Variants in PRMT3 observed in about 807,000 individuals in gnomAD.
PRMT3 encodes the protein protein arginine N-methyltransferase 3.
PRMT3 carries 62 observed loss-of-function variants against 71.9 expected under a neutral mutation model. The observed-to-expected ratio is 0.86, with a 90% confidence interval of 0.70 to 1.07. PRMT3 has a LOEUF of 1.07. Ranked by LOEUF, PRMT3 falls within the 50% of genes least tolerant of loss-of-function variation. The pLI is 0.00. For missense variants in PRMT3, 663 were observed against 643.0 expected (o/e 1.03, Z -0.34); for synonymous variants, 213 against 220.4 (o/e 0.97, Z 0.30).
chr11:20,392,735 C>G (rs1265119330), intron 4 of PRMT3, among the ~76,000 whole-genome samples, 162 bp from the exon 5 acceptor site: 1 of 150,892 alleles, frequency 6.6e-6, no homozygotes, highest in African/African-American at 2.4e-5. Flanking sequence ...AAGCAGTCGT[C>G]CAGCAAGTTA....
intron 13 of PRMT3, among the ~76,000 whole-genome samples, chr11:20,475,268 T>TTGAAGAGGAACTTCTA (rs1351466205): frequency 1.3e-5 from 2 of 152,232 alleles, no homozygotes; most frequent in Non-Finnish European, 2.9e-5. Context: ...AAGGGAAACT[T>TTGAAGAGGAACTTCTA]TGAAGAGGAA....
intron 9 of PRMT3, among the ~76,000 whole-genome samples, chr11:20,424,361 A>G (rs1037237660): frequency 8.5e-5 from 13 of 152,206 alleles, no homozygotes; most frequent in Non-Finnish European, 2.9e-5. Flanking sequence ...TGGGGGCAGA[A>G]TTGAAAGTCC....
intron 15 of PRMT3, among the ~76,000 whole-genome samples, chr11:20,503,638 T>C (rs868184186): frequency 6.6e-6 from 1 of 152,156 alleles, no homozygotes; most frequent in African/African-American, 2.4e-5. Flanking sequence ...GCATTTTTTT[T>C]TTTTGAGATT....
chr11:20,415,040 G>T (rs906054179), intron 9 of PRMT3, among the ~76,000 whole-genome samples: 1 of 151,538 alleles, frequency 6.6e-6, no homozygotes, highest in Non-Finnish European at 1.5e-5. Flanking sequence ...GTGTGTGTGT[G>T]TGTGTGTGTG....
chr11:20,448,767 C>T (rs985089299), intron 10 of PRMT3, among the ~76,000 whole-genome samples: 14 of 151,984 alleles, frequency 9.2e-5, no homozygotes, highest in Non-Finnish European at 2.1e-4. Context: ...TATTCTAGTC[C>T]CTGATTTAAT....
chr11:20,391,044 C>T (rs527580494), intron 3 of PRMT3, among the ~76,000 whole-genome samples: 653 of 53,678 alleles, frequency 0.012, 26 homozygotes, highest in Admixed American at 0.076. Flanking sequence ...ACTGAGACGC[C>T]GTCTCAAAAA....
At chr11:20,434,018 G>A (rs1029209127) in intron 10 of PRMT3, among the ~76,000 whole-genome samples, 5 of 152,006 alleles carry the variant, frequency 3.3e-5, no homozygotes, top group African/African-American at 4.8e-5. Flanking sequence ...TTGCCTTTTC[G>A]CCTCAATCTT....
At chr11:20,452,058 G>T in intron 10 of PRMT3, 72 bp from the exon 11 acceptor site, 1 of 1,037,572 alleles carries the variant, frequency 9.6e-7, no homozygotes, top group Non-Finnish European at 1.4e-6. Flanking sequence ...GAGTAGCACC[G>T]ATGTTTAAAT....
At position 20,505,037 on chromosome 11, in the gene PRMT3, T is replaced by C. The variant is rs1006271868; in HGVS notation, c.1487-3267T>C. 2.0e-5 allele frequency among the ~76,000 whole-genome samples: 3 copies of C among 152,208 alleles called. No individual in the cohort carries two copies. The South Asian group carries it at 6.2e-4, about 32-fold the overall frequency. On this transcript the variant is annotated intron_variant, in intron 15 of 15. Transcript: ENST00000331079. ...CATGAGCCACCACACCCAGCCTTTA[T>C]GCTTTTTTGAAGCTGTTGTTTGTAG...
intron 9 of PRMT3, among the ~76,000 whole-genome samples, chr11:20,415,083 C>A (rs1200946223): frequency 6.8e-6 from 1 of 146,636 alleles, no homozygotes; most frequent in Non-Finnish European, 1.5e-5. Context: ...CAAAATACAC[C>A]AGCAAAAATT....
At chr11:20,487,061 A>AGGGG (rs1851092292) in intron 13 of PRMT3, among the ~76,000 whole-genome samples, 1 of 9,036 alleles carries the variant, frequency 1.1e-4, no homozygotes, top group African/African-American at 1.7e-4. Context: ...CATCTCAAGA[A>AGGGG]AAAAAAAAAA....
In PRMT3 at chr11:20,484,157, G is replaced by T. The variant is rs147291709; in HGVS notation, c.1348-9762G>T. ...TAGCATGCCCAGGCATGCTTAGGCA[G>T]TGAGGATGCAGAGGCGAACAAAGAA... is the stretch of plus-strand genomic sequence containing the variant. On this transcript the variant is annotated intron_variant, in intron 13 of 15. Coordinates refer to ENST00000331079, the MANE Select transcript of PRMT3 (RefSeq NM_005788.4). Among the ~76,000 whole-genome samples, 498 of 152,342 alleles carry T rather than the reference G, an allele frequency of 3.3e-3. 3 individuals are homozygous for T. Among genetic ancestry groups the T allele is most frequent in the Admixed American group, 6.4e-3 (98 of 15,294 alleles).
chr11:20,496,943 G>T (rs1851347805), intron 15 of PRMT3, among the ~76,000 whole-genome samples: 1 of 152,148 alleles, frequency 6.6e-6, no homozygotes, highest in East Asian at 1.9e-4. Flanking sequence ...CTTCAGCACA[G>T]CAAAAGTGAA....
chr11:20,477,233 G>A (rs1414489146), intron 13 of PRMT3, among the ~76,000 whole-genome samples: 1 of 152,176 alleles, frequency 6.6e-6, no homozygotes, highest in Non-Finnish European at 1.5e-5. Context: ...GTCCTGATTA[G>A]GATTTGGCAT....
intron 11 of PRMT3, among the ~76,000 whole-genome samples, chr11:20,457,393 A>T (rs1416656625): frequency 6.6e-6 from 1 of 152,168 alleles, no homozygotes; most frequent in African/African-American, 2.4e-5. Flanking sequence ...TTAGACCTTA[A>T]GTTGAATCTC....
At chr11:20,390,964 T>C (rs1009571543) in intron 3 of PRMT3, among the ~76,000 whole-genome samples, 1 of 151,830 alleles carries the variant, frequency 6.6e-6, no homozygotes, top group Non-Finnish European at 1.5e-5. Flanking sequence ...GCAGGAGAAT[T>C]ACTTGAACCC....
chr11:20,502,074 A>C (rs1851470445), intron 15 of PRMT3, among the ~76,000 whole-genome samples: 1 of 152,236 alleles, frequency 6.6e-6, no homozygotes, highest in Non-Finnish European at 1.5e-5. Flanking sequence ...ATTAAAATGA[A>C]GTCAATTTTG....
intron 9 of PRMT3, among the ~76,000 whole-genome samples, chr11:20,412,493 T>C (rs1325179083): frequency 6.6e-6 from 1 of 152,110 alleles, no homozygotes; most frequent in African/African-American, 2.4e-5. Flanking sequence ...ATGATATGAA[T>C]TCCTGTGTGC....
chr11:20,505,165 C>G (rs1359120201), intron 15 of PRMT3, among the ~76,000 whole-genome samples: 1 of 152,132 alleles, frequency 6.6e-6, no homozygotes, highest in African/African-American at 2.4e-5. Flanking sequence ...GTTCTAGTAG[C>G]CTTCTTTGCA....
Sources: allele counts gnomAD v4.1 joint callset (sites outside exome capture counted in the v4.1 genomes callset), GRCh38; gene constraint gnomAD v4.1.1; transcripts MANE v1.5; gene names NCBI Gene and HGNC (gene_info 2026-07-23, HGNC 2026-07-21).